SLC39A11: variants seen among roughly 807,000 people sequenced by gnomAD.
SLC39A11 encodes the protein zinc transporter ZIP11.
SLC39A11 carries 33 observed loss-of-function variants against 36.1 expected under a neutral mutation model. That is an observed-to-expected ratio of 0.91 (90% CI 0.69 to 1.22). The LOEUF (loss-of-function observed/expected upper bound fraction) is 1.22, where lower values mean the gene tolerates loss of function less well. Among genes scored for constraint, SLC39A11 ranks in the 50% most tolerant of loss-of-function variants. SLC39A11 has a pLI of 0.00. For synonymous variants in SLC39A11, 166 were observed against 170.3 expected, an observed-to-expected ratio of 0.97 and a Z score of 0.20; for missense variants, 432 against 430.3, an observed-to-expected ratio of 1.00 and a Z score of -0.03.
At chr17:72,768,923 G>A (rs73352937) in intron 6 of SLC39A11, among the ~76,000 whole-genome samples, 1 of 151,944 alleles carries the variant, frequency 6.6e-6, no homozygotes. Flanking sequence ...ACCACGCTCG[G>A]CTAATTTTCT....
At chr17:72,716,799 T>C (rs1165621773) in intron 7 of SLC39A11, among the ~76,000 whole-genome samples, 1 of 151,584 alleles carries the variant, frequency 6.6e-6, no homozygotes, top group Non-Finnish European at 1.5e-5. Flanking sequence ...TAAAACCCCA[T>C]CTCTACAAAA....
At chr17:72,727,168 G>A (rs2073962661) in intron 7 of SLC39A11, among the ~76,000 whole-genome samples, 1 of 152,216 alleles carries the variant, frequency 6.6e-6, no homozygotes, top group South Asian at 2.1e-4. Flanking sequence ...CTCCCTGCTG[G>A]TTTGAATGAT....
intron 4 of SLC39A11, among the ~76,000 whole-genome samples, chr17:72,951,572 A>T (rs140430676): frequency 1.3e-5 from 2 of 152,172 alleles, no homozygotes; most frequent in South Asian, 4.2e-4. Context: ...GAGACAGATG[A>T]TAATAAACCC....
intron 7 of SLC39A11, among the ~76,000 whole-genome samples, chr17:72,699,009 T>C (rs113210596): frequency 1.2e-3 from 184 of 152,250 alleles, no homozygotes; most frequent in Non-Finnish European, 1.8e-3. Flanking sequence ...TTTTGTATTT[T>C]TAGTAGAGAC....
intron 5 of SLC39A11, among the ~76,000 whole-genome samples, chr17:72,889,910 A>C (rs989180650): frequency 3.9e-5 from 6 of 152,166 alleles, no homozygotes; most frequent in Non-Finnish European, 7.3e-5. Context: ...ACTCTGATCC[A>C]GTGAAGGGCT....
intron 4 of SLC39A11, among the ~76,000 whole-genome samples, chr17:73,027,603 T>C (rs2058601807): frequency 6.6e-6 from 1 of 152,212 alleles, no homozygotes; most frequent in Non-Finnish European, 1.5e-5. Context: ...CCATGAGCAA[T>C]ATTTTGCTTT....
At chr17:72,804,090 G>C (rs1320763434) in intron 6 of SLC39A11, among the ~76,000 whole-genome samples, 1 of 152,156 alleles carries the variant, frequency 6.6e-6, no homozygotes, top group Non-Finnish European at 1.5e-5. Context: ...CCGCCTCCTG[G>C]GTTCACGCCA....
chr17:72,938,252 C>T (rs1489456539), intron 5 of SLC39A11, among the ~76,000 whole-genome samples: 1 of 152,242 alleles, frequency 6.6e-6, no homozygotes, highest in East Asian at 1.9e-4. Flanking sequence ...AAATGCAGGT[C>T]GAGTGGAGCA....
chr17:72,778,787 C>G (rs552208394), intron 6 of SLC39A11, among the ~76,000 whole-genome samples: 2 of 152,344 alleles, frequency 1.3e-5, no homozygotes, highest in South Asian at 4.1e-4. Context: ...CTTTTCCCTT[C>G]CACATTACAT....
intron 4 of SLC39A11, among the ~76,000 whole-genome samples, chr17:73,014,700 C>T (rs1361469445): frequency 2.6e-5 from 4 of 152,206 alleles, no homozygotes; most frequent in African/African-American, 9.7e-5. Flanking sequence ...CTGGGGCCCA[C>T]GTTGCTTCAC....
chr17:72,904,778 G>A (rs902256791), intron 5 of SLC39A11, among the ~76,000 whole-genome samples: 2 of 152,184 alleles, frequency 1.3e-5, no homozygotes, highest in Non-Finnish European at 2.9e-5. Flanking sequence ...TCTCACAAAT[G>A]TGGTCCCCGA....
intron 4 of SLC39A11, among the ~76,000 whole-genome samples, chr17:72,973,547 C>T (rs1411710280): frequency 6.6e-6 from 1 of 152,108 alleles, no homozygotes; most frequent in Admixed American, 6.5e-5. Flanking sequence ...GTTAGAAAGA[C>T]AAAAGGATAA....
At position 72,647,365 on chromosome 17, in the gene SLC39A11, G is replaced by A. The variant is rs2069603194; in HGVS notation, c.*219C>T. 1 of 402,874 alleles carries A rather than the reference G, an allele frequency of 2.5e-6. No homozygotes were observed. Among genetic ancestry groups the A allele is most frequent in the South Asian group, 4.0e-5 (1 of 24,744 alleles). 25.0% of individuals were successfully genotyped at this position (402,874 alleles called of 1,614,324 possible). A position where few individuals can be genotyped will look rare whatever the true frequency, so the allele number is the denominator to read the frequency against. ...ATTCAGTGGCCAAAACAAAGAATCT[G>A]TATTTCCATGACACCTTAAAATTCC... is the stretch of plus-strand genomic sequence containing the variant. On this transcript the variant is annotated 3_prime_UTR_variant, in exon 10 of 10. Coordinates refer to ENST00000255559, the MANE Select transcript of SLC39A11 (RefSeq NM_139177.4).
At chr17:72,785,412 A>G (rs1446670541) in intron 6 of SLC39A11, among the ~76,000 whole-genome samples, 1 of 152,224 alleles carries the variant, frequency 6.6e-6, no homozygotes, top group Non-Finnish European at 1.5e-5. Context: ...AGAAAGAGAG[A>G]GAGGGAAGAA....
chr17:72,845,440 G>C (rs9916690), intron 6 of SLC39A11, among the ~76,000 whole-genome samples: 6,276 of 152,196 alleles, frequency 0.041, 426 homozygotes, highest in African/African-American at 0.14. Context: ...AACACTCACT[G>C]TTTCCCAGAG....
chr17:72,909,101 TTTTTG>T (rs2082824218), intron 5 of SLC39A11, among the ~76,000 whole-genome samples: 1 of 152,190 alleles, frequency 6.6e-6, no homozygotes, highest in African/African-American at 2.4e-5. Flanking sequence ...TGGAAAAATC[TTTTTG>T]TTTTGTTGTT....
chr17:73,052,178 G>A (rs374724041), intron 3 of SLC39A11, among the ~76,000 whole-genome samples: 4 of 148,494 alleles, frequency 2.7e-5, no homozygotes, highest in Admixed American at 6.7e-5. Flanking sequence ...ATCAACCCCA[G>A]AAAAAAAAAA....
At chr17:72,835,255 G>A (rs894705626) in intron 6 of SLC39A11, among the ~76,000 whole-genome samples, 1 of 152,164 alleles carries the variant, frequency 6.6e-6, no homozygotes, top group African/African-American at 2.4e-5. Context: ...TAAATGAGAA[G>A]CATCTTCAAA....
In SLC39A11 at chr17:72,759,102, A is replaced by AAATAATAATAATAATAATAATAAT. The variant is rs776562987; in HGVS notation, c.602-22384_602-22383insATTATTATTATTATTATTATTATT. 2.4e-4 allele frequency among the ~76,000 whole-genome samples: 32 copies of AAATAATAATAATAATAATAATAAT among 135,446 alleles called. No homozygotes were observed. The South Asian group carries it at 2.4e-3, about 10-fold the overall frequency. The allele number at this position is 135,446 out of a possible 152,430, so 88.9% of individuals were successfully genotyped here. ...GGCAACAGAGTGAGATTTCATCTAA[A>AAATAATAATAATAATAATAATAAT]AATAATAACAATAATAATAATAATA... is the stretch of plus-strand genomic sequence containing the variant. On this transcript the variant is annotated intron_variant, in intron 6 of 9. Coordinates refer to ENST00000255559, the MANE Select transcript of SLC39A11 (RefSeq NM_139177.4).
Sources: gnomAD v4.1 joint callset for allele counts (sites outside exome capture counted in the v4.1 genomes callset) on GRCh38, gnomAD v4.1.1 for gene constraint, MANE v1.5 for transcripts, NCBI Gene and HGNC (gene_info 2026-07-23, HGNC 2026-07-21) for gene names.